TMEM63C: variants seen among roughly 807,000 people sequenced by gnomAD.
TMEM63C encodes the protein transmembrane protein 63C, also known as osmosensitive cation channel TMEM63C.
A neutral mutation model predicts 99.2 loss-of-function variants in TMEM63C; 32 were observed. The observed-to-expected ratio is 0.32, with a 90% CI of 0.24 to 0.43. TMEM63C has a LOEUF of 0.43. Ranked by LOEUF, TMEM63C falls within the 20% of genes least tolerant of loss-of-function variation. TMEM63C has a pLI of 1.00. For missense variants in TMEM63C, 826 were observed against 1,053.0 expected (o/e 0.78, Z 2.98); for synonymous variants, 376 against 397.9 (o/e 0.94, Z 0.66).
At chr14:77,189,675 A>G (rs897569959) in intron 1 of TMEM63C, among the ~76,000 whole-genome samples, 8 of 152,240 alleles carry the variant, frequency 5.3e-5, no homozygotes, top group African/African-American at 1.9e-4. Context: ...AGTTGAAGAA[A>G]AGTAATCTGA....
chr14:77,217,089 G>T (rs987296139), intron 2 of TMEM63C, among the ~76,000 whole-genome samples: 1 of 152,010 alleles, frequency 6.6e-6, no homozygotes, highest in Non-Finnish European at 1.5e-5. Flanking sequence ...CCAGGAATTG[G>T]AGGCTACAGT....
chr14:77,186,805 G>GTGTGTGTGTGTGTGTC (rs1888006273), intron 1 of TMEM63C, among the ~76,000 whole-genome samples: 6 of 150,606 alleles, frequency 4.0e-5, no homozygotes, highest in African/African-American at 1.2e-4. Context: ...GTGTGTCTGT[G>GTGTGTGTGTGTGTGTC]TGTGTGTGTG....
intron 2 of TMEM63C, among the ~76,000 whole-genome samples, chr14:77,216,125 AGG>A (rs1555347280): frequency 0.015 from 286 of 19,334 alleles, 1 homozygote; most frequent in African/African-American, 0.031. Flanking sequence ...GGAAGGAGGG[AGG>A]GAGAGAGAGA....
At chr14:77,222,917 C>G (rs768712722) in intron 5 of TMEM63C, among the ~76,000 whole-genome samples, 13 of 152,220 alleles carry the variant, frequency 8.5e-5, no homozygotes, top group Non-Finnish European at 1.8e-4. Flanking sequence ...TTCCGCAGGC[C>G]CTGAACTTGG....
chr14:77,254,263 A>G (rs1273364802), intron 23 of TMEM63C, among the ~76,000 whole-genome samples: 1 of 152,152 alleles, frequency 6.6e-6, no homozygotes. Context: ...GCAGGGCCCT[A>G]TGGGAGACAA....
At chr14:77,204,602 T>G (rs894544214) in intron 1 of TMEM63C, among the ~76,000 whole-genome samples, 1 of 152,236 alleles carries the variant, frequency 6.6e-6, no homozygotes, top group African/African-American at 2.4e-5. Context: ...AGGGCTCTGT[T>G]GTCAAGGAGC....
At chr14:77,203,654 T>A (rs1244891709) in intron 1 of TMEM63C, among the ~76,000 whole-genome samples, 1 of 152,272 alleles carries the variant, frequency 6.6e-6, no homozygotes, top group Non-Finnish European at 1.5e-5. Flanking sequence ...ACAGGCCATA[T>A]GTAATGGATC....
rs1889275713 is a variant in TMEM63C, at chr14:77,246,766, T to C, written c.1601+92T>C. On this transcript the variant is annotated intron_variant, in intron 18 of 23. Coordinates refer to ENST00000298351, the MANE Select transcript of TMEM63C (RefSeq NM_020431.4). ...CCCTGAGTCCAGCACCTGAATTTGC[T>C]CACAGAAGTGTAGACAAATGCTTGT... is the stretch of plus-strand genomic sequence containing the variant. 2.8e-6 allele frequency: 3 copies of C among 1,084,534 alleles called. No homozygotes were observed. The South Asian group carries it at 4.4e-5, about 16-fold the overall frequency. 67.2% of individuals were successfully genotyped at this position (1,084,534 alleles called of 1,614,324 possible). A position where few individuals can be genotyped will look rare whatever the true frequency, so the allele number is the denominator to read the frequency against.
intron 1 of TMEM63C, among the ~76,000 whole-genome samples, chr14:77,209,936 T>A (rs940608546): frequency 6.6e-6 from 1 of 151,658 alleles, no homozygotes; most frequent in African/African-American, 2.4e-5. Flanking sequence ...CTCCACAGAT[T>A]CGGGACCAGC....
At chr14:77,203,116 C>T (rs1408344011) in intron 1 of TMEM63C, among the ~76,000 whole-genome samples, 1 of 152,066 alleles carries the variant, frequency 6.6e-6, no homozygotes, top group East Asian at 1.9e-4. Context: ...GGTGGCTTAT[C>T]CCTGTAATCC....
intron 22 of TMEM63C, among the ~76,000 whole-genome samples, 158 bp downstream of exon 22, chr14:77,252,056 A>ATGCATGCATGCATGCCTTGCG (rs1555349673): frequency 4.0e-4 from 57 of 141,348 alleles, no homozygotes; most frequent in African/African-American, 1.4e-3. Flanking sequence ...GCATGCGTGC[A>ATGCATGCATGCATGCCTTGCG]TGCATGCGTG....
intron 1 of TMEM63C, among the ~76,000 whole-genome samples, chr14:77,208,494 G>A (rs1017433873): frequency 4.6e-5 from 7 of 152,276 alleles, no homozygotes; most frequent in South Asian, 2.1e-4. Flanking sequence ...CAGGGAGATC[G>A]CCTCCTCCTC....
At chr14:77,206,151 T>A (rs1439599654) in intron 1 of TMEM63C, among the ~76,000 whole-genome samples, 1 of 150,980 alleles carries the variant, frequency 6.6e-6, no homozygotes, top group Admixed American at 6.6e-5. Context: ...CCTATAGGAG[T>A]CTAGGTTTAG....
At chr14:77,183,024 T>C (rs533423133) in intron 1 of TMEM63C, among the ~76,000 whole-genome samples, 70 of 152,318 alleles carry the variant, frequency 4.6e-4, no homozygotes, top group African/African-American at 1.6e-3. Flanking sequence ...AGAAATGGGC[T>C]ACATTCCGTC....
At chr14:77,228,963 G>T (rs937584171) in intron 6 of TMEM63C, among the ~76,000 whole-genome samples, 1 of 152,212 alleles carries the variant, frequency 6.6e-6, no homozygotes, top group Non-Finnish European at 1.5e-5. Flanking sequence ...GCATGGTGCT[G>T]AGCATGAACC....
chr14:77,184,062 G>A (rs889928027), intron 1 of TMEM63C, among the ~76,000 whole-genome samples: 3 of 152,310 alleles, frequency 2.0e-5, no homozygotes, highest in Middle Eastern at 3.4e-3. Context: ...ACCTTCTCCA[G>A]ATGGGTGGGA....
intron 1 of TMEM63C, among the ~76,000 whole-genome samples, chr14:77,203,155 A>G (rs1016186941): frequency 6.6e-6 from 1 of 152,148 alleles, no homozygotes; most frequent in Non-Finnish European, 1.5e-5. Flanking sequence ...AGGTGGGTGA[A>G]TCACCTGAGG....
At chr14:77,213,754 T>C (rs1408005472) in intron 2 of TMEM63C, 4 of 151,534 alleles carry the variant, frequency 2.6e-5, no homozygotes, top group Non-Finnish European at 4.4e-5. Flanking sequence ...CTGTGTTCGA[T>C]GTAAACTATT....
chr14:77,205,065 G>A (rs909653575), intron 1 of TMEM63C, among the ~76,000 whole-genome samples: 15 of 152,236 alleles, frequency 9.9e-5, no homozygotes, highest in African/African-American at 3.6e-4. Flanking sequence ...AATGAATCAA[G>A]TAATGGGAGA....
Sources: gnomAD v4.1 joint callset for allele counts (sites outside exome capture counted in the v4.1 genomes callset) on GRCh38, gnomAD v4.1.1 for gene constraint, MANE v1.5 for transcripts, NCBI Gene and HGNC (gene_info 2026-07-23, HGNC 2026-07-21) for gene names.